ZNF10: variants seen among roughly 807,000 people sequenced by gnomAD.
ZNF10 encodes zinc finger protein 10.
A neutral mutation model predicts 12.2 loss-of-function variants in ZNF10; 8 were observed. That is an observed-to-expected ratio of 0.66 (90% CI 0.39 to 1.18). ZNF10 has a LOEUF of 1.18. Ranked by LOEUF, ZNF10 falls within the 50% of genes most tolerant of loss-of-function variation. The pLI is 0.01. For synonymous variants in ZNF10, 229 were observed against 228.2 expected (o/e 1.00, Z -0.03); for missense variants, 603 against 678.9 (o/e 0.89, Z 1.24).
intron 1 of ZNF10, among the ~76,000 whole-genome samples, chr12:133,142,939 C>T (rs745530372): frequency 3.3e-5 from 5 of 152,060 alleles, no homozygotes; most frequent in African/African-American, 4.8e-5. Flanking sequence ...AAGATGGAAA[C>T]AATGCAAGTG....
At chr12:133,141,593 G>A (rs769300418) in intron 1 of ZNF10, among the ~76,000 whole-genome samples, 26 of 152,026 alleles carry the variant, frequency 1.7e-4, no homozygotes, top group Non-Finnish European at 3.1e-4. Context: ...ATTTCCAGAA[G>A]AAAAGTTGGG....
At chr12:133,145,199 TATATTC>T (rs1471092399) in intron 2 of ZNF10, among the ~76,000 whole-genome samples, 1 of 152,330 alleles carries the variant, frequency 6.6e-6, no homozygotes, top group African/African-American at 2.4e-5. Context: ...CGTTTACAAT[TATATTC>T]ATATGAGGTA....
At chr12:133,134,281 C>A (rs981580934) in intron 1 of ZNF10, among the ~76,000 whole-genome samples, 1 of 151,780 alleles carries the variant, frequency 6.6e-6, no homozygotes. Context: ...TCACTGCACT[C>A]CAGCCTGGGC....
At chr12:133,133,910 T>G (rs1955895017) in intron 1 of ZNF10, among the ~76,000 whole-genome samples, 1 of 152,130 alleles carries the variant, frequency 6.6e-6, no homozygotes, top group Non-Finnish European at 1.5e-5. Flanking sequence ...AAATAAAATT[T>G]GCAGTTGTGA....
chr12:133,141,806 TAATG>T (rs1458929866), intron 1 of ZNF10, among the ~76,000 whole-genome samples: 4 of 152,108 alleles, frequency 2.6e-5, no homozygotes, highest in African/African-American at 9.7e-5. Flanking sequence ...TGTCAAAACT[TAATG>T]AAACTATAAA....
At chr12:133,145,772 T>G (rs1411029729) in intron 2 of ZNF10, among the ~76,000 whole-genome samples, 1 of 151,594 alleles carries the variant, frequency 6.6e-6, no homozygotes, top group Non-Finnish European at 1.5e-5. Flanking sequence ...GCCACTGCAC[T>G]CCAGCCCGCG....
intron 1 of ZNF10, among the ~76,000 whole-genome samples, chr12:133,134,955 T>C (rs1955902583): frequency 6.6e-6 from 1 of 152,172 alleles, no homozygotes; most frequent in South Asian, 2.1e-4. Flanking sequence ...AGTTTTTCCT[T>C]CCCCAGGAAG....
In ZNF10 at chr12:133,155,595, G is replaced by T; in HGVS notation, c.349G>T (p.Ala117Ser). ...CTGTGACATTAAAATGGAAGGAATG[G>T]CAAGGAATGATCTCTGGTATTTGTC... The part of the protein sequence containing the change: ...QSCDIKMEGM[A>S]RNDLWYLSLE... Residue 117 changes from alanine to serine, a missense_variant, in exon 5 of 5, where the codon GCA (alanine) becomes TCA (serine). Ala to Ser is a moderately conservative substitution (Grantham distance 99). This residue lies in a region of ZNF10 where 393 missense variants were observed against 399.7 expected (regional missense o/e 0.98). Transcript: ENST00000248211. 2 of 1,613,864 alleles carry T rather than the reference G, an allele frequency of 1.2e-6. No homozygotes were observed. Among genetic ancestry groups the T allele is most frequent in the Non-Finnish European group, 1.7e-6 (2 of 1,179,938 alleles).
At chr12:133,153,135 A>G (rs1207949517) in intron 4 of ZNF10, among the ~76,000 whole-genome samples, 1 of 151,924 alleles carries the variant, frequency 6.6e-6, no homozygotes, top group East Asian at 1.9e-4. Flanking sequence ...AAAAATAACA[A>G]TTATTAACTG....
rs1175834131 is a variant in ZNF10, at chr12:133,159,271, TA to T, written c.*2309del. 1.3e-5 allele frequency: 2 copies of T among 152,098 alleles called. No homozygotes were observed. The highest frequency in any genetic ancestry group is 2.9e-5 in the Non-Finnish European group (2 of 68,014). The allele number at this position is 152,098 out of a possible 1,614,324, so 9.4% of individuals were successfully genotyped here. A position where few individuals can be genotyped will look rare whatever the true frequency, so the allele number is the denominator to read the frequency against. On this transcript the variant is annotated 3_prime_UTR_variant, in exon 5 of 5. Transcript: ENST00000248211. The stretch of plus-strand genomic sequence containing the variant: ...TTATGACAGTGCATAATTTGCAAAA[TA>T]AAAAATGTACACTAGCATAATATTT...
chr12:133,135,980 A>G (rs1420070666), intron 1 of ZNF10, among the ~76,000 whole-genome samples: 2 of 152,208 alleles, frequency 1.3e-5, no homozygotes, highest in Non-Finnish European at 2.9e-5. Context: ...CCAAACCTTT[A>G]TCACTGTCCT....
At chr12:133,155,205 G>A (rs1007548484) in intron 4 of ZNF10, among the ~76,000 whole-genome samples, 2 of 152,116 alleles carry the variant, frequency 1.3e-5, no homozygotes, top group African/African-American at 4.8e-5. Flanking sequence ...GAAAATGAGA[G>A]TGCAGTCCTT....
chr12:133,157,153 T>C lies in ZNF10; in HGVS notation c.*185T>C. ...GATTTTATTTCAGTACACAAATCCA[T>C]CAGATTTTCTTCTTTTCATGAATTC... On this transcript the variant is annotated 3_prime_UTR_variant, in exon 5 of 5. Coordinates refer to ENST00000248211, the MANE Select transcript of ZNF10 (RefSeq NM_015394.5). The C allele has an allele frequency of 2.1e-6, 1 of 485,770 alleles. No homozygotes were observed. Among genetic ancestry groups the C allele is most frequent in the Non-Finnish European group, 3.2e-6 (1 of 308,924 alleles). 30.1% of individuals were successfully genotyped at this position (485,770 alleles called of 1,614,324 possible).
chr12:133,142,405 G>A lies in ZNF10; in HGVS notation c.-59-2029G>A, dbSNP rs557550340. On this transcript the variant is annotated intron_variant, in intron 1 of 4. Coordinates refer to ENST00000248211, the MANE Select transcript of ZNF10 (RefSeq NM_015394.5). ...AACCTGGGTGACAGAGTGAGACTCC[G>A]TCTCCAAAAAAAAAAAAAAAAAAGT... Among the ~76,000 whole-genome samples, 39 of 66,220 alleles carry A rather than the reference G, an allele frequency of 5.9e-4. No individual in the cohort carries two copies. In the South Asian group the frequency reaches 9.7e-3, roughly 17 times the overall value. The allele number at this position is 66,220 out of a possible 152,430, so 43.4% of individuals were successfully genotyped here. A position where few individuals can be genotyped will look rare whatever the true frequency, so the allele number is the denominator to read the frequency against.
At chr12:133,145,541 G>A (rs1955970641) in intron 2 of ZNF10, among the ~76,000 whole-genome samples, 1 of 152,124 alleles carries the variant, frequency 6.6e-6, no homozygotes, top group African/African-American at 2.4e-5. Flanking sequence ...CAGGTGCGGT[G>A]GCTCATACCT....
chr12:133,151,762 G>C (rs771975671), intron 3 of ZNF10, 47 bp from the exon 4 acceptor site: 12 of 1,519,588 alleles, frequency 7.9e-6, no homozygotes, highest in Non-Finnish European at 1.1e-5. Context: ...GCCTACCTCA[G>C]AGCTCCCCTG....
intron 1 of ZNF10, among the ~76,000 whole-genome samples, chr12:133,133,847 A>G (rs1429796382): frequency 4.6e-5 from 7 of 152,118 alleles, no homozygotes; most frequent in Admixed American, 6.5e-5. Context: ...AGCCAAAATA[A>G]TGGCTCCCCA....
At chr12:133,134,640 A>G (rs1955900715) in intron 1 of ZNF10, among the ~76,000 whole-genome samples, 1 of 152,354 alleles carries the variant, frequency 6.6e-6, no homozygotes. Flanking sequence ...GAAAACTAAT[A>G]TAGCCCTCTG....
At chr12:133,140,806 A>C (rs1184232086) in intron 1 of ZNF10, among the ~76,000 whole-genome samples, 5 of 152,110 alleles carry the variant, frequency 3.3e-5, no homozygotes, top group African/African-American at 1.2e-4. Flanking sequence ...CTGAAGATTT[A>C]AGGGTTTCCT....
Sources: gnomAD v4.1 joint callset for allele counts (sites outside exome capture counted in the v4.1 genomes callset) on GRCh38, gnomAD v4.1.1 for gene constraint, gnomAD v4.1.1 regional missense constraint, MANE v1.5 for transcripts, NCBI Gene and HGNC (gene_info 2026-07-23, HGNC 2026-07-21) for gene names.